Variants in STAG1 observed in about 807,000 individuals in gnomAD.
STAG1 encodes the protein cohesin subunit SA-1.
STAG1 carries 26 observed loss-of-function variants against 170.9 expected under a neutral mutation model. The ratio of observed to expected loss-of-function variants is 0.15; its 90% CI spans 0.11 to 0.21. STAG1 has a LOEUF of 0.21. Ranked by LOEUF, STAG1 falls within the 10% of genes least tolerant of loss-of-function variation. STAG1 has a pLI of 1.00. For missense variants in STAG1, 964 were observed against 1,509.5 expected, an observed-to-expected ratio of 0.64 and a Z score of 5.99; for synonymous variants, 514 against 497.7, an observed-to-expected ratio of 1.03 and a Z score of -0.44.
intron 1 of STAG1, among the ~76,000 whole-genome samples, chr3:136,637,535 ATATC>A (rs1940617731): frequency 1.3e-5 from 2 of 152,216 alleles, no homozygotes; most frequent in Non-Finnish European, 2.9e-5. Context: ...TATTTTTAAA[ATATC>A]TCAGTAACAT....
chr3:136,604,198 T>G, intron 4 of STAG1, 111 bp downstream of exon 4: 1 of 953,292 alleles, frequency 1.0e-6, no homozygotes, highest in Non-Finnish European at 1.5e-6. Flanking sequence ...AACTGAAAGG[T>G]TGCTTACATA....
At chr3:136,691,943 T>C (rs1942738460) in intron 1 of STAG1, among the ~76,000 whole-genome samples, 1 of 152,140 alleles carries the variant, frequency 6.6e-6, no homozygotes, top group South Asian at 2.1e-4. Context: ...TAAGTCTAAA[T>C]GAACTATTGT....
intron 5 of STAG1, among the ~76,000 whole-genome samples, chr3:136,557,228 A>G (rs751283836): frequency 3.8e-4 from 58 of 152,136 alleles, no homozygotes; most frequent in Admixed American, 3.4e-3. Flanking sequence ...ACAGGGTGAG[A>G]CACCATTTTA....
intron 24 of STAG1, among the ~76,000 whole-genome samples, chr3:136,368,318 C>A (rs1462807307): frequency 2.6e-5 from 4 of 152,098 alleles, no homozygotes; most frequent in Non-Finnish European, 5.9e-5. Context: ...AACTTATTTA[C>A]AACTAATCAT....
chr3:136,567,631 GAC>G (rs1016498720), intron 5 of STAG1, among the ~76,000 whole-genome samples: 85 of 152,278 alleles, frequency 5.6e-4, no homozygotes, highest in Middle Eastern at 6.8e-3. Flanking sequence ...TGTGGCTGGG[GAC>G]ACACACTCCA....
At chr3:136,736,766 T>C (rs1184692102) in intron 1 of STAG1, 45 of 1,600,422 alleles carry the variant, frequency 2.8e-5, no homozygotes, top group Non-Finnish European at 3.7e-5. Context: ...TGTCTGTTTA[T>C]ATACAGCTTG....
intron 30 of STAG1, among the ~76,000 whole-genome samples, chr3:136,342,846 C>G (rs1355769601): frequency 6.6e-6 from 1 of 152,172 alleles, no homozygotes; most frequent in Non-Finnish European, 1.5e-5. Flanking sequence ...GCTGCTAAAA[C>G]AAGGAGAAAC....
chr3:136,731,450 T>A (rs950831000), intron 1 of STAG1, among the ~76,000 whole-genome samples: 1 of 152,346 alleles, frequency 6.6e-6, no homozygotes, highest in Non-Finnish European at 1.5e-5. Context: ...TGGCCAAGTA[T>A]CTTTAGGCAG....
intron 1 of STAG1, among the ~76,000 whole-genome samples, chr3:136,695,841 G>A (rs1318649145): frequency 6.6e-6 from 1 of 150,752 alleles, no homozygotes; most frequent in East Asian, 2.0e-4. Context: ...AGAAGCAGGA[G>A]GATCAAAGAG....
chr3:136,374,763 A>C (rs1336657001), intron 23 of STAG1, among the ~76,000 whole-genome samples: 1 of 152,146 alleles, frequency 6.6e-6, no homozygotes, highest in African/African-American at 2.4e-5. Context: ...ATTATTGAAG[A>C]AAGAAAAACA....
intron 1 of STAG1, among the ~76,000 whole-genome samples, chr3:136,700,121 C>T (rs1042244884): frequency 6.6e-6 from 1 of 150,550 alleles, no homozygotes; most frequent in African/African-American, 2.5e-5. Flanking sequence ...CTACAACATG[C>T]CTATAATGTG....
chr3:136,377,611 A>C (rs1253895402), intron 23 of STAG1, 49 bp downstream of exon 23: 1 of 1,442,096 alleles, frequency 6.9e-7, no homozygotes, highest in South Asian at 1.2e-5. Context: ...AATGTTCATT[A>C]ATGTATTTGA....
At chr3:136,494,405 T>C (rs980524335) in intron 9 of STAG1, among the ~76,000 whole-genome samples, 4 of 152,148 alleles carry the variant, frequency 2.6e-5, no homozygotes, top group African/African-American at 9.7e-5. Context: ...CTACCAAACA[T>C]AGAAATATTA....
intron 9 of STAG1, among the ~76,000 whole-genome samples, chr3:136,477,738 G>T (rs2089790110): frequency 6.6e-6 from 1 of 152,120 alleles, no homozygotes; most frequent in South Asian, 2.1e-4. Flanking sequence ...AAGAAAATCA[G>T]AGTCACAACA....
At chr3:136,461,266 T>C (rs2089265523) in intron 13 of STAG1, among the ~76,000 whole-genome samples, 2 of 152,074 alleles carry the variant, frequency 1.3e-5, no homozygotes, top group South Asian at 4.1e-4. Context: ...CCATAAGAAC[T>C]CAAGACCAGG....
intron 13 of STAG1, among the ~76,000 whole-genome samples, chr3:136,461,575 G>T (rs1271186956): frequency 6.8e-6 from 1 of 147,438 alleles, no homozygotes; most frequent in East Asian, 2.0e-4. Context: ...CCATTAACTA[G>T]CAAGACTCCG....
At chr3:136,403,661 G>A (rs761229499) in intron 21 of STAG1, among the ~76,000 whole-genome samples, 36 of 152,088 alleles carry the variant, frequency 2.4e-4, no homozygotes, top group Non-Finnish European at 4.6e-4. Flanking sequence ...GAGTAATGTT[G>A]AAGAATTGCT....
At chr3:136,621,468 T>G (rs1273479902) in intron 3 of STAG1, among the ~76,000 whole-genome samples, 1 of 152,150 alleles carries the variant, frequency 6.6e-6, no homozygotes, top group Non-Finnish European at 1.5e-5. Flanking sequence ...ATGGTAGTAA[T>G]GGGAACTAGA....
At chr3:136,720,647 G>A (rs1462725332) in intron 1 of STAG1, among the ~76,000 whole-genome samples, 1 of 152,092 alleles carries the variant, frequency 6.6e-6, no homozygotes, top group East Asian at 1.9e-4. Context: ...AAAATTAGCT[G>A]GGCATAATAG....
Sources: gnomAD v4.1 joint callset for allele counts (sites outside exome capture counted in the v4.1 genomes callset) on GRCh38, gnomAD v4.1.1 for gene constraint, MANE v1.5 for transcripts, NCBI Gene and HGNC (gene_info 2026-07-23, HGNC 2026-07-21) for gene names.